The following EPHB2 variants were observed in gnomAD, a reference collection of about 807,000 sequenced individuals.
The protein encoded by EPHB2 is ephrin type-B receptor 2.
Under a neutral mutation model 96.4 loss-of-function variants are expected in EPHB2, and 18 were observed. The ratio of observed to expected loss-of-function variants is 0.19; its 90% CI spans 0.13 to 0.28. The LOEUF (loss-of-function observed/expected upper bound fraction) is 0.28, where lower values mean the gene tolerates loss of function less well. Ranked by LOEUF, EPHB2 falls within the 10% of genes least tolerant of loss-of-function variation. The pLI is 1.00. For missense variants in EPHB2, 989 were observed against 1,355.4 expected (o/e 0.73, Z 4.25); for synonymous variants, 506 against 534.1 (o/e 0.95, Z 0.72).
At chr1:22,876,584 C>T (rs1309915647) in intron 5 of EPHB2, among the ~76,000 whole-genome samples, 1 of 152,208 alleles carries the variant, frequency 6.6e-6, no homozygotes, top group African/African-American at 2.4e-5. Context: ...TTTGTGCTTA[C>T]TCCCTGGGGC....
At chr1:22,748,585 TTGGTCAGGC>T (rs1444251666) in intron 1 of EPHB2, among the ~76,000 whole-genome samples, 1 of 151,612 alleles carries the variant, frequency 6.6e-6, no homozygotes, top group Non-Finnish European at 1.5e-5. Flanking sequence ...TTTCACCATG[TTGGTCAGGC>T]TGGTCTCGAA....
At chr1:22,726,035 C>A (rs148009938) in intron 1 of EPHB2, among the ~76,000 whole-genome samples, 7 of 152,278 alleles carry the variant, frequency 4.6e-5, no homozygotes, top group African/African-American at 1.4e-4. Context: ...TCTCACAATC[C>A]CACCCTCCCT....
intron 3 of EPHB2, among the ~76,000 whole-genome samples, chr1:22,815,215 C>A (rs1207941642): frequency 6.6e-6 from 1 of 152,170 alleles, no homozygotes; most frequent in Non-Finnish European, 1.5e-5. Context: ...TGAGCCTTCC[C>A]TTAGCCCGCC....
rs1236718863 is a variant in EPHB2 at position 22,897,198 on chromosome 1, G to A, written c.1765+720G>A. Among the ~76,000 whole-genome samples, 6 of 152,334 alleles carry A rather than the reference G, an allele frequency of 3.9e-5. No homozygotes were observed. The East Asian group carries it at 1.2e-3, about 29-fold the overall frequency. Reference sequence around the variant, plus strand: ...ACACAGAGATGTCCCCTCCTGAAGGGCCAGAGAGAAAAGTAGATCATAGAT... The same window carrying A: ...ACACAGAGATGTCCCCTCCTGAAGGACCAGAGAGAAAAGTAGATCATAGAT... On this transcript the variant is annotated intron_variant, in intron 9 of 15. Transcript: ENST00000374630.
intron 1 of EPHB2, among the ~76,000 whole-genome samples, chr1:22,773,108 TA>T (rs1430568944): frequency 6.6e-6 from 1 of 152,238 alleles, no homozygotes; most frequent in Non-Finnish European, 1.5e-5. Context: ...TTGCATACTG[TA>T]AAAACCTTTG....
At chr1:22,805,145 G>T (rs1644906025) in intron 3 of EPHB2, among the ~76,000 whole-genome samples, 1 of 151,660 alleles carries the variant, frequency 6.6e-6, no homozygotes, top group African/African-American at 2.4e-5. Context: ...GCAGGTACGG[G>T]ATGAGCCATG....
chr1:22,817,241 A>G (rs1410635761), intron 3 of EPHB2, among the ~76,000 whole-genome samples: 2 of 152,270 alleles, frequency 1.3e-5, no homozygotes, highest in African/African-American at 2.4e-5. Context: ...CCCAAGCAAC[A>G]TGATTAGACC....
At chr1:22,788,597 A>G (rs1644645053) in intron 3 of EPHB2, among the ~76,000 whole-genome samples, 1 of 152,058 alleles carries the variant, frequency 6.6e-6, no homozygotes, top group African/African-American at 2.4e-5. Context: ...GGGCTTCTCA[A>G]CCTTTATTGT....
At chr1:22,827,392 AAG>A (rs1645240275) in intron 3 of EPHB2, among the ~76,000 whole-genome samples, 1 of 152,198 alleles carries the variant, frequency 6.6e-6, no homozygotes. Flanking sequence ...GAGCAGGTGG[AAG>A]AGAGGTGCCC....
chr1:22,730,690 G>GA (rs1401739651), intron 1 of EPHB2, among the ~76,000 whole-genome samples: 17 of 152,018 alleles, frequency 1.1e-4, no homozygotes, highest in African/African-American at 4.1e-4. Flanking sequence ...AAGGCCCTGT[G>GA]ACAGGGGTGT....
chr1:22,820,504 T>C (rs1001919950), intron 3 of EPHB2, among the ~76,000 whole-genome samples: 1 of 151,628 alleles, frequency 6.6e-6, no homozygotes, highest in African/African-American at 2.4e-5. Flanking sequence ...CTACACAAAA[T>C]ACAAAAAAAT....
chr1:22,908,383 G>A (rs1158121828), intron 12 of EPHB2, among the ~76,000 whole-genome samples: 3 of 152,280 alleles, frequency 2.0e-5, no homozygotes, highest in South Asian at 2.1e-4. Flanking sequence ...TGACAGGGCT[G>A]TAAGCCAGGA....
At chr1:22,842,152 A>G (rs1645478487) in intron 3 of EPHB2, among the ~76,000 whole-genome samples, 1 of 151,942 alleles carries the variant, frequency 6.6e-6, no homozygotes, top group Non-Finnish European at 1.5e-5. Flanking sequence ...GCGTGGCTAC[A>G]GACTCTGCAT....
rs374415028 is a variant in EPHB2 at position 22,905,974 on chromosome 1, T to A, written c.1766-13T>A. 6.2e-7 allele frequency: 1 copy of A among 1,614,096 alleles called. No individual in the cohort carries two copies. Among genetic ancestry groups the A allele is most frequent in the African/African-American group, 1.3e-5 (1 of 74,934 alleles). On this transcript the variant is annotated splice_polypyrimidine_tract_variant and intron_variant, in intron 9 of 15. Transcript: ENST00000374630. ...AGTCAGTCCATATGACAGAGCCTGGTCTTGTCCCCCAGTGACCCCAGGCAT... is the reference window on the plus strand; with the variant it reads ...AGTCAGTCCATATGACAGAGCCTGGACTTGTCCCCCAGTGACCCCAGGCAT...
chr1:22,756,254 G>A (rs1009740183), intron 1 of EPHB2, among the ~76,000 whole-genome samples: 6 of 152,166 alleles, frequency 3.9e-5, no homozygotes, highest in African/African-American at 1.4e-4. Flanking sequence ...ATGATAAAGG[G>A]GGTGTTCGGG....
intron 1 of EPHB2, among the ~76,000 whole-genome samples, chr1:22,720,405 A>T (rs1643425344): frequency 6.6e-6 from 1 of 152,152 alleles, no homozygotes; most frequent in Non-Finnish European, 1.5e-5. Context: ...GTCCCACTCA[A>T]CATGTCCTGA....
In EPHB2 at chr1:22,711,452, G is replaced by C. The variant is rs183627862; in HGVS notation, c.61+409G>C. Among the ~76,000 whole-genome samples, 1,379 of 149,998 alleles carry C rather than the reference G, an allele frequency of 9.2e-3. 10 individuals carry two copies. The highest frequency in any genetic ancestry group is 0.015 in the Non-Finnish European group (1,001 of 67,138). On this transcript the variant is annotated intron_variant, in intron 1 of 15. Coordinates refer to ENST00000374630, the MANE Select transcript of EPHB2 (RefSeq NM_017449.5). ...GCGGGGGGGGCGCCGGCGCTCGGTC[G>C]GGGCTGGAAAGTTTGGCAGGGAGCA...
At chr1:22,711,230 G>A (rs912918473) in intron 1 of EPHB2, among the ~76,000 whole-genome samples, 187 bp downstream of exon 1, 1 of 146,982 alleles carries the variant, frequency 6.8e-6, no homozygotes, top group Non-Finnish European at 1.5e-5. Flanking sequence ...CCCGGGGAGC[G>A]GCGGGCGCTG....
Position 22,882,472 on chromosome 1 carries a change from T to TAC in EPHB2, c.1418_1419dup (p.Tyr474ThrfsTer14). 6.2e-7 allele frequency: 1 copy of TAC among 1,614,048 alleles called. No individual in the cohort carries two copies. Among genetic ancestry groups the TAC allele is most frequent in the East Asian group, 2.2e-5 (1 of 44,866 alleles). On this transcript the variant is annotated frameshift_variant, in exon 6 of 16. Transcript: ENST00000374630. LOFTEE classifies it high-confidence loss of function. ...CGTGATCCTGGACTATGAGCTGCAG[T>TAC]ACTATGAGAAGGTACCTATTGGCTG...
Sources: gnomAD v4.1 joint callset for allele counts (sites outside exome capture counted in the v4.1 genomes callset) on GRCh38, gnomAD v4.1.1 for gene constraint, MANE v1.5 for transcripts, NCBI Gene and HGNC (gene_info 2026-07-23, HGNC 2026-07-21) for gene names.